The following TTC7B variants were observed in gnomAD, a reference collection of about 807,000 sequenced individuals.
TTC7B encodes the protein tetratricopeptide repeat domain 7B.
A neutral mutation model predicts 106.8 loss-of-function variants in TTC7B; 28 were observed. That is an observed-to-expected ratio of 0.26 (90% CI 0.19 to 0.36). The LOEUF (loss-of-function observed/expected upper bound fraction) is 0.36, where lower values mean the gene tolerates loss of function less well. Ranked by LOEUF, TTC7B falls within the 10% of genes least tolerant of loss-of-function variation. The pLI is 1.00. For synonymous variants in TTC7B, 405 were observed against 430.6 expected (o/e 0.94, Z 0.74); for missense variants, 862 against 1,076.4 (o/e 0.80, Z 2.79).
At chr14:90,564,767 G>A (rs755045479) in intron 19 of TTC7B, among the ~76,000 whole-genome samples, 6 of 152,108 alleles carry the variant, frequency 3.9e-5, no homozygotes, top group Admixed American at 2.6e-4. Context: ...AAAAATTAGC[G>A]GGTTGTGGTG....
At chr14:90,737,716 G>A (rs1383298266) in intron 4 of TTC7B, among the ~76,000 whole-genome samples, 3 of 151,786 alleles carry the variant, frequency 2.0e-5, no homozygotes, top group Non-Finnish European at 4.4e-5. Context: ...ACACCACCAC[G>A]CCCGACCAAT....
chr14:90,626,623 T>C (rs927972008), intron 15 of TTC7B, among the ~76,000 whole-genome samples: 3 of 152,226 alleles, frequency 2.0e-5, no homozygotes, highest in Non-Finnish European at 4.4e-5. Context: ...GCAAGTGCGA[T>C]GACCAGAAGT....
At chr14:90,557,435 G>GT (rs1409575066) in intron 19 of TTC7B, among the ~76,000 whole-genome samples, 1 of 152,204 alleles carries the variant, frequency 6.6e-6, no homozygotes, top group Non-Finnish European at 1.5e-5. Context: ...AAATTCTAGG[G>GT]TTTGATCTCC....
rs1889154737 is a variant in TTC7B, at chr14:90,526,623, G to A, written c.*14745C>T. On this transcript the variant is annotated 3_prime_UTR_variant, in exon 20 of 20. Transcript: ENST00000328459. Reference sequence around the variant, plus strand: ...CCATAATCCCCACATGTCATGGGAGGGACCCGGTGCAAGGTAATTGAATCA... The same window carrying A: ...CCATAATCCCCACATGTCATGGGAGAGACCCGGTGCAAGGTAATTGAATCA... The A allele has an allele frequency of 6.6e-6, 1 of 152,168 alleles. No individual in the cohort carries two copies. Among genetic ancestry groups the A allele is most frequent in the African/African-American group, 2.4e-5 (1 of 41,416 alleles). 9.4% of individuals were successfully genotyped at this position (152,168 alleles called of 1,614,324 possible). A position where few individuals can be genotyped will look rare whatever the true frequency, so the allele number is the denominator to read the frequency against.
At chr14:90,547,895 C>T (rs564354500) in intron 19 of TTC7B, among the ~76,000 whole-genome samples, 63 of 152,152 alleles carry the variant, frequency 4.1e-4, no homozygotes, top group Non-Finnish European at 8.5e-4. Context: ...ACTGCTTGTC[C>T]CTCTAACGGT....
intron 19 of TTC7B, among the ~76,000 whole-genome samples, chr14:90,565,613 G>A (rs1451507019): frequency 6.6e-6 from 1 of 151,922 alleles, no homozygotes; most frequent in Non-Finnish European, 1.5e-5. Context: ...TGTTGGCCAG[G>A]ATGGTCTCGA....
intron 10 of TTC7B, 176 bp downstream of exon 10, chr14:90,658,128 T>C (rs1265649246): frequency 6.5e-6 from 4 of 612,872 alleles, no homozygotes; most frequent in African/African-American, 1.8e-5. Flanking sequence ...GATAAGTCCA[T>C]CTTGGCTCCC....
At position 90,541,493 on chromosome 14, in the gene TTC7B, C is replaced by G. The variant is rs746871600; in HGVS notation, c.2407G>C (p.Gly803Arg). 3.3e-5 allele frequency: 54 copies of G among 1,613,968 alleles called. No individual in the cohort carries two copies. Among genetic ancestry groups the G allele is most frequent in the African/African-American group, 1.2e-4 (9 of 74,950 alleles). The change falls in exon 20 of 20, where the codon GGG (glycine) becomes CGG (arginine). Residue 803 changes from glycine to arginine, a missense_variant. By Grantham distance (125) the Gly-to-Arg change is moderately radical. Coordinates refer to ENST00000328459, the MANE Select transcript of TTC7B (RefSeq NM_001010854.2). Reference sequence around the variant, plus strand: ...TGAGCTTGGAGGACCTCGCCCAGCCCGTTCCAGACCTCGTGGGCTGTCGAG... The same window carrying G: ...TGAGCTTGGAGGACCTCGCCCAGCCGGTTCCAGACCTCGTGGGCTGTCGAG... ...VNSTAHEVWN[G>R]LGEVLQAQGN... is the part of the protein sequence containing the mutation.
chr14:90,720,308 C>A (rs1888842507), intron 5 of TTC7B, among the ~76,000 whole-genome samples: 1 of 152,150 alleles, frequency 6.6e-6, no homozygotes, highest in Admixed American at 6.5e-5. Context: ...GAAATGGGTA[C>A]CTTTCCTCCT....
chr14:90,606,758 A>G (rs543956692), intron 17 of TTC7B, among the ~76,000 whole-genome samples: 7 of 152,318 alleles, frequency 4.6e-5, no homozygotes, highest in African/African-American at 1.7e-4. Flanking sequence ...ATTCCACTCT[A>G]TTAGCTACAG....
chr14:90,592,828 G>A (rs1454662324), intron 18 of TTC7B, among the ~76,000 whole-genome samples: 3 of 152,078 alleles, frequency 2.0e-5, no homozygotes, highest in East Asian at 1.9e-4. Flanking sequence ...CCCCCCTTCC[G>A]GGCCAGTCTC....
intron 1 of TTC7B, 133 bp downstream of exon 1, chr14:90,816,042 C>T (rs1329588842): frequency 1.4e-5 from 13 of 953,756 alleles, no homozygotes; most frequent in African/African-American, 1.8e-5. Flanking sequence ...CCGCGCACAT[C>T]CCCTGGGCCG....
chr14:90,771,459 T>A (rs555702079), intron 3 of TTC7B, among the ~76,000 whole-genome samples: 7 of 152,236 alleles, frequency 4.6e-5, no homozygotes, highest in Admixed American at 2.0e-4. Flanking sequence ...CCAGGTGTGG[T>A]GGCACATGCC....
chr14:90,733,696 T>C (rs1478200390), intron 4 of TTC7B, among the ~76,000 whole-genome samples: 1 of 152,160 alleles, frequency 6.6e-6, no homozygotes, highest in African/African-American at 2.4e-5. Context: ...ACCCAATGAC[T>C]GAGGAAGCAC....
chr14:90,721,275 A>G (rs550739070), intron 5 of TTC7B, among the ~76,000 whole-genome samples: 2 of 152,380 alleles, frequency 1.3e-5, no homozygotes, highest in African/African-American at 4.8e-5. Flanking sequence ...TGACGGCATC[A>G]GATCTCTAAC....
At chr14:90,580,801 C>T in intron 18 of TTC7B, among the ~76,000 whole-genome samples, 1 of 152,346 alleles carries the variant, frequency 6.6e-6, no homozygotes, top group Middle Eastern at 3.4e-3. Flanking sequence ...AGCCAGGTCC[C>T]TGTAAGTATT....
chr14:90,603,640 C>T (rs950499753), intron 17 of TTC7B, among the ~76,000 whole-genome samples: 2 of 152,314 alleles, frequency 1.3e-5, no homozygotes, highest in South Asian at 4.1e-4. Context: ...TCTTTCCACA[C>T]ATTAACCCTA....
chr14:90,604,623 G>A (rs1892566155), intron 17 of TTC7B, among the ~76,000 whole-genome samples: 1 of 152,112 alleles, frequency 6.6e-6, no homozygotes. Context: ...CTGGGCATTT[G>A]GAACAAAGAT....
chr14:90,661,719 A>C (rs747123493), intron 9 of TTC7B, among the ~76,000 whole-genome samples: 17 of 152,204 alleles, frequency 1.1e-4, no homozygotes, highest in Non-Finnish European at 2.5e-4. Flanking sequence ...GTAAGTACTT[A>C]AACACTAAGT....
Sources: allele counts gnomAD v4.1 joint callset (sites outside exome capture counted in the v4.1 genomes callset), GRCh38; gene constraint gnomAD v4.1.1; transcripts MANE v1.5; gene names NCBI Gene and HGNC (gene_info 2026-07-23, HGNC 2026-07-21).